The following FHOD3 variants were observed in gnomAD, a reference collection of about 807,000 sequenced individuals.
The protein encoded by FHOD3 is formin homology 2 domain containing 3, also known as FH1/FH2 domain-containing protein 3.
In FHOD3, 90 loss-of-function variants were observed where a neutral mutation model predicts 173.0. That is an observed-to-expected ratio of 0.52 (90% confidence interval 0.44 to 0.62). FHOD3 has a LOEUF of 0.62. FHOD3 is among the 20% of genes least tolerant of loss of function. FHOD3 has a pLI of 0.00. For synonymous variants in FHOD3, 828 were observed against 823.0 expected (o/e 1.01, Z -0.10); for missense variants, 1,945 against 2,034.7 (o/e 0.96, Z 0.85).
chr18:36,709,418 G>C (rs764637026), intron 18 of FHOD3, 27 bp downstream of exon 18: 1 of 1,595,182 alleles, frequency 6.3e-7, no homozygotes, highest in East Asian at 2.2e-5. Context: ...GTTTCAGTCG[G>C]CATGTGCCAG....
chr18:36,554,228 G>C (rs1303363101), intron 5 of FHOD3, among the ~76,000 whole-genome samples: 1 of 152,022 alleles, frequency 6.6e-6, no homozygotes, highest in African/African-American at 2.4e-5. Flanking sequence ...CAAAGACTTG[G>C]AACCAACCCA....
intron 5 of FHOD3, among the ~76,000 whole-genome samples, chr18:36,546,933 G>C (rs149839713): frequency 6.6e-6 from 1 of 152,302 alleles, no homozygotes; most frequent in African/African-American, 2.4e-5. Context: ...GAAGCAAGTA[G>C]TGAGATCTAA....
intron 3 of FHOD3, among the ~76,000 whole-genome samples, chr18:36,413,940 C>G (rs867716658): frequency 6.6e-6 from 1 of 152,246 alleles, no homozygotes; most frequent in Middle Eastern, 3.4e-3. Flanking sequence ...CATGTAACCT[C>G]TAATCTACCT....
chr18:36,470,778 C>G (rs1047385077), intron 3 of FHOD3, among the ~76,000 whole-genome samples: 1 of 152,188 alleles, frequency 6.6e-6, no homozygotes, highest in African/African-American at 2.4e-5. Flanking sequence ...ATATTGAAGT[C>G]CTCACTGGCA....
intron 7 of FHOD3, among the ~76,000 whole-genome samples, chr18:36,596,321 ATTTT>A (rs539907617): frequency 3.5e-4 from 20 of 57,496 alleles, no homozygotes; most frequent in African/African-American, 7.7e-4. Flanking sequence ...TGCCCAGCTA[ATTTT>A]TTTTTTTTTT....
chr18:36,770,310 T>G (rs1377891914), intron 28 of FHOD3, among the ~76,000 whole-genome samples: 2 of 152,180 alleles, frequency 1.3e-5, no homozygotes, highest in African/African-American at 4.8e-5. Flanking sequence ...GGAGCATGAG[T>G]CCAGCTAGGC....
chr18:36,674,388 A>G (rs890959084), intron 14 of FHOD3, among the ~76,000 whole-genome samples: 7 of 152,014 alleles, frequency 4.6e-5, no homozygotes, highest in African/African-American at 1.2e-4. Context: ...ATTTATTTTT[A>G]TTTTTTTGAG....
intron 7 of FHOD3, among the ~76,000 whole-genome samples, chr18:36,599,159 C>G (rs913884348): frequency 7.2e-5 from 11 of 152,216 alleles, no homozygotes; most frequent in African/African-American, 2.7e-4. Context: ...TGACACCCCT[C>G]TGCTGTCTGG....
rs1241488018 is a variant in FHOD3, at chr18:36,298,011, G to C, written c.165+11G>C. The C allele has an allele frequency of 2.0e-6, 3 of 1,526,590 alleles. No individual in the cohort carries two copies. Among genetic ancestry groups the C allele is most frequent in the South Asian group, 1.2e-5 (1 of 80,746 alleles). The allele number at this position is 1,526,590 out of a possible 1,614,324, so 94.6% of individuals were successfully genotyped here. ...CAGGCGCCGCACAAGGTACGACCCG[G>C]CGGGGTGGGCTGGGCCCCCTGGACT... On this transcript the variant is annotated intron_variant, in intron 1 of 28. Coordinates refer to ENST00000590592, the MANE Select transcript of FHOD3 (RefSeq NM_001281740.3).
intron 3 of FHOD3, among the ~76,000 whole-genome samples, chr18:36,401,123 T>G (rs184027625): frequency 2.1e-4 from 32 of 152,286 alleles, no homozygotes; most frequent in Non-Finnish European, 4.0e-4. Context: ...GTCTGAATAT[T>G]GGTGTCCCCC....
chr18:36,637,993 TG>T (rs1398392334), intron 10 of FHOD3, among the ~76,000 whole-genome samples: 2 of 151,980 alleles, frequency 1.3e-5, no homozygotes, highest in African/African-American at 4.8e-5. Flanking sequence ...TAGAATAATA[TG>T]TTTTTTTTAA....
intron 15 of FHOD3, among the ~76,000 whole-genome samples, chr18:36,686,135 T>G (rs951805790): frequency 1.3e-5 from 2 of 152,050 alleles, no homozygotes; most frequent in Admixed American, 1.3e-4. Context: ...TCATTCTATC[T>G]TAAAGACATA....
intron 3 of FHOD3, among the ~76,000 whole-genome samples, chr18:36,388,262 C>T (rs1163410539): frequency 6.6e-6 from 1 of 152,158 alleles, no homozygotes; most frequent in African/African-American, 2.4e-5. Flanking sequence ...AGGGCCCAAG[C>T]TAAACAGGAA....
At chr18:36,726,943 G>T (rs993937600) in intron 19 of FHOD3, among the ~76,000 whole-genome samples, 2 of 152,206 alleles carry the variant, frequency 1.3e-5, no homozygotes, top group South Asian at 2.1e-4. Flanking sequence ...AAAGTGCTGG[G>T]ATTACAGGCT....
rs2036155599 is a variant in FHOD3, at chr18:36,652,820, G to A, written c.1537G>A (p.Asp513Asn). 6.5e-7 allele frequency: 1 copy of A among 1,535,894 alleles called. No individual in the cohort carries two copies. Among genetic ancestry groups the A allele is most frequent in the Non-Finnish European group, 8.7e-7 (1 of 1,146,750 alleles). ...PGSLKVSPTIDKLPYVPHSPF... is the reference protein window; with the variant it reads ...PGSLKVSPTINKLPYVPHSPF... Reference sequence around the variant, plus strand: ...CTCCCTGAAGGTGTCACCGACCATAGACAAGCTGCCCTACGTGCCCCACAG... The same window carrying A: ...CTCCCTGAAGGTGTCACCGACCATAAACAAGCTGCCCTACGTGCCCCACAG... Residue 513 changes from aspartate to asparagine, a missense_variant, in exon 12 of 29, where the codon GAC becomes AAC. By Grantham distance (23) the Asp-to-Asn change is conservative. Around this residue, in one of 5 missense-constraint regions of FHOD3, gnomAD observed 1,099 missense variants for 1,051.2 expected, o/e 1.05. Coordinates refer to ENST00000590592, the MANE Select transcript of FHOD3 (RefSeq NM_001281740.3).
At chr18:36,691,318 G>A (rs142349635) in intron 16 of FHOD3, among the ~76,000 whole-genome samples, 2 of 152,328 alleles carry the variant, frequency 1.3e-5, no homozygotes, top group East Asian at 3.9e-4. Context: ...CTGACCTCCT[G>A]AATTCCTGGA....
intron 1 of FHOD3, among the ~76,000 whole-genome samples, chr18:36,320,953 G>A (rs745893251): frequency 7.2e-5 from 11 of 152,196 alleles, no homozygotes; most frequent in Non-Finnish European, 1.6e-4. Context: ...GGCAAGGTAT[G>A]TGCTGTGTTG....
At chr18:36,460,360 TTA>T (rs1367111188) in intron 3 of FHOD3, among the ~76,000 whole-genome samples, 3 of 152,346 alleles carry the variant, frequency 2.0e-5, no homozygotes, top group African/African-American at 7.2e-5. Context: ...AGTCATCTGT[TTA>T]TATCAGTAAA....
At chr18:36,492,135 G>A (rs951756359) in intron 3 of FHOD3, among the ~76,000 whole-genome samples, 6 of 152,150 alleles carry the variant, frequency 3.9e-5, no homozygotes, top group Admixed American at 6.5e-5. Flanking sequence ...AGTCCTCCAC[G>A]TGGTCTTAAA....
Sources: gnomAD v4.1 joint callset for allele counts (sites outside exome capture counted in the v4.1 genomes callset) on GRCh38, gnomAD v4.1.1 for gene constraint, gnomAD v4.1.1 regional missense constraint, MANE v1.5 for transcripts, NCBI Gene and HGNC (gene_info 2026-07-23, HGNC 2026-07-21) for gene names.